Variants in TRAPPC9 observed in about 807,000 individuals in gnomAD.
TRAPPC9 encodes the protein trafficking protein particle complex subunit 9, also known as IKK2 binding protein.
Under a neutral mutation model 124.0 loss-of-function variants are expected in TRAPPC9, and 83 were observed. The ratio of observed to expected loss-of-function variants is 0.67; its 90% CI spans 0.56 to 0.80. TRAPPC9 has a LOEUF of 0.80. Among genes scored for constraint, TRAPPC9 ranks in the 30% least tolerant of loss-of-function variants. TRAPPC9 has a pLI of 0.00. For missense variants in TRAPPC9, 1,302 were observed against 1,508.3 expected, an observed-to-expected ratio of 0.86 and a Z score of 2.27; for synonymous variants, 638 against 617.5, an observed-to-expected ratio of 1.03 and a Z score of -0.49.
chr8:140,221,039 G>A (rs1587954653), intron 17 of TRAPPC9, among the ~76,000 whole-genome samples: 1 of 152,182 alleles, frequency 6.6e-6, no homozygotes, highest in African/African-American at 2.4e-5. Context: ...ACATTCACTT[G>A]CTACCGGCAT....
At chr8:140,167,605 G>A (rs1325674893) in intron 17 of TRAPPC9, among the ~76,000 whole-genome samples, 1 of 152,204 alleles carries the variant, frequency 6.6e-6, no homozygotes, top group African/African-American at 2.4e-5. Context: ...TAGACATGTG[G>A]TAGTTATAGG....
At chr8:140,035,041 T>TC (rs1280565293) in intron 17 of TRAPPC9, among the ~76,000 whole-genome samples, 1 of 152,242 alleles carries the variant, frequency 6.6e-6, no homozygotes, top group African/African-American at 2.4e-5. Context: ...TTTTTCCCCT[T>TC]CTGTATACAC....
At chr8:140,074,467 C>G (rs1843375736) in intron 17 of TRAPPC9, among the ~76,000 whole-genome samples, 1 of 152,240 alleles carries the variant, frequency 6.6e-6, no homozygotes, top group African/African-American at 2.4e-5. Context: ...TCATCAACAT[C>G]TGCTTCCCGT....
At chr8:140,317,740 G>A (rs564257486) in intron 9 of TRAPPC9, among the ~76,000 whole-genome samples, 10 of 152,222 alleles carry the variant, frequency 6.6e-5, no homozygotes, top group South Asian at 2.1e-4. Context: ...GAGCACTTAC[G>A]ATGTGCCAAA....
chr8:140,210,447 G>T (rs2063032035), intron 17 of TRAPPC9, among the ~76,000 whole-genome samples: 2 of 152,134 alleles, frequency 1.3e-5, no homozygotes, highest in South Asian at 4.1e-4. Context: ...GAAGTGGGGG[G>T]TTCCTCCACT....
At chr8:139,908,001 C>G (rs560000864) in intron 20 of TRAPPC9, among the ~76,000 whole-genome samples, 4 of 152,126 alleles carry the variant, frequency 2.6e-5, no homozygotes, top group African/African-American at 9.7e-5. Flanking sequence ...GTCAGGTTGC[C>G]GACAAGGGTG....
intron 16 of TRAPPC9, among the ~76,000 whole-genome samples, chr8:140,230,846 T>C (rs1452453401): frequency 6.6e-6 from 1 of 152,154 alleles, no homozygotes; most frequent in East Asian, 1.9e-4. Context: ...AGGAAGGCAT[T>C]TGTGAGCACT....
At chr8:139,784,608 C>CATACATATATATATAT (rs1554643612) in intron 21 of TRAPPC9, among the ~76,000 whole-genome samples, 57 of 88,644 alleles carry the variant, frequency 6.4e-4, no homozygotes, top group African/African-American at 2.2e-3. Context: ...AAAAGACTGA[C>CATACATATATATATAT]ATATATATAT....
intron 17 of TRAPPC9, among the ~76,000 whole-genome samples, chr8:140,118,874 G>A (rs575968441): frequency 5.6e-4 from 85 of 152,304 alleles, no homozygotes; most frequent in Middle Eastern, 3.4e-3. Context: ...TCTCCAGCCC[G>A]GGTCCCACCT....
At chr8:140,272,149 G>GAT (rs2064936574) in intron 15 of TRAPPC9, among the ~76,000 whole-genome samples, 1 of 151,698 alleles carries the variant, frequency 6.6e-6, no homozygotes, top group Admixed American at 6.6e-5. Flanking sequence ...TGGTGATGGT[G>GAT]GTAGCAGTGA....
chr8:140,142,306 A>G (rs1030542080), intron 17 of TRAPPC9, among the ~76,000 whole-genome samples: 4 of 152,242 alleles, frequency 2.6e-5, no homozygotes, highest in African/African-American at 7.2e-5. Flanking sequence ...GAGGCACACA[A>G]TAGACAATGT....
At chr8:140,350,740 T>G (rs910975893) in intron 9 of TRAPPC9, among the ~76,000 whole-genome samples, 1 of 151,886 alleles carries the variant, frequency 6.6e-6, no homozygotes, top group African/African-American at 2.4e-5. Flanking sequence ...TCTTGGCACG[T>G]AAGCATTAAT....
At chr8:140,240,359 G>A (rs1162256597) in intron 16 of TRAPPC9, among the ~76,000 whole-genome samples, 6 of 152,266 alleles carry the variant, frequency 3.9e-5, no homozygotes, top group East Asian at 1.9e-4. Context: ...GTGACAGTGC[G>A]CAGGGGCTCC....
rs150697612 is a variant in TRAPPC9 at position 139,974,238 on chromosome 8, G to A, written c.2810+14488C>T. Among the ~76,000 whole-genome samples, 12 of 152,294 alleles carry A rather than the reference G, an allele frequency of 7.9e-5. No individual in the cohort carries two copies. In the East Asian group the frequency reaches 2.1e-3, roughly 27 times the overall value. On this transcript the variant is annotated intron_variant, in intron 19 of 22. Transcript: ENST00000438773. The stretch of plus-strand genomic sequence containing the variant: ...ATCGGTACGCAAGAGAAAACTGTGC[G>A]CTTCTAGGAGAACAAGTTACAGACA...
intron 19 of TRAPPC9, among the ~76,000 whole-genome samples, chr8:139,926,905 C>T (rs1339003268): frequency 2.0e-5 from 3 of 152,116 alleles, no homozygotes; most frequent in Admixed American, 6.5e-5. Flanking sequence ...AAAATCACAA[C>T]ACATTGATTA....
intron 19 of TRAPPC9, among the ~76,000 whole-genome samples, chr8:139,967,296 C>T (rs1394378536): frequency 2.0e-5 from 3 of 152,058 alleles, no homozygotes; most frequent in Non-Finnish European, 4.4e-5. Context: ...GAAAGCAGAC[C>T]GCAGCAGAGC....
At chr8:140,323,921 C>T (rs930557184) in intron 9 of TRAPPC9, among the ~76,000 whole-genome samples, 3 of 151,926 alleles carry the variant, frequency 2.0e-5, no homozygotes, top group South Asian at 2.1e-4. Context: ...CATAGGTTTT[C>T]GGGGAACAGG....
rs111885620 is a variant in TRAPPC9, at chr8:139,781,233, C to G, written c.3056-49031G>C. On this transcript the variant is annotated intron_variant, in intron 21 of 22. Transcript: ENST00000438773. ...TGTGGATGTTTAGAGAAGTTTTATT[C>G]ATAATTGCCAAAACTTGGTAGCAAC... 5.0e-3 allele frequency among the ~76,000 whole-genome samples: 767 copies of G among 152,246 alleles called. 6 individuals are homozygous for G. The highest frequency in any genetic ancestry group is 0.017 in the African/African-American group (717 of 41,538).
chr8:139,924,273 C>T (rs569346931), intron 19 of TRAPPC9, among the ~76,000 whole-genome samples: 3 of 152,204 alleles, frequency 2.0e-5, no homozygotes, highest in African/African-American at 4.8e-5. Flanking sequence ...AGCCGCAGGC[C>T]AAGCGCTGGG....
Sources: allele counts gnomAD v4.1 joint callset (sites outside exome capture counted in the v4.1 genomes callset), GRCh38; gene constraint gnomAD v4.1.1; transcripts MANE v1.5; gene names NCBI Gene and HGNC (gene_info 2026-07-23, HGNC 2026-07-21).